The following DNAL1 variants were observed in gnomAD, a reference collection of about 807,000 sequenced individuals.
The protein encoded by DNAL1 is dynein axonemal light chain 1, also known as chromosome 14 open reading frame 168.
In DNAL1, 17 loss-of-function variants were observed where a neutral mutation model predicts 29.4. The ratio of observed to expected loss-of-function variants is 0.58; its 90% CI spans 0.40 to 0.87. DNAL1 has a LOEUF of 0.87. Ranked by LOEUF, DNAL1 falls within the 40% of genes least tolerant of loss-of-function variation. The pLI is 0.00. For synonymous variants in DNAL1, 78 were observed against 76.3 expected, an observed-to-expected ratio of 1.02 and a Z score of -0.12; for missense variants, 188 against 214.1, an observed-to-expected ratio of 0.88 and a Z score of 0.76.
At chr14:73,647,951 T>G (rs986647660) in intron 1 of DNAL1, among the ~76,000 whole-genome samples, 8 of 152,150 alleles carry the variant, frequency 5.3e-5, no homozygotes, top group African/African-American at 1.9e-4. Context: ...GTTTACTTCC[T>G]CCGGCAGTGC....
At chr14:73,687,461 A>C (rs917212589) in intron 6 of DNAL1, 76 bp downstream of exon 6, 6 of 1,423,748 alleles carry the variant, frequency 4.2e-6, no homozygotes, top group Admixed American at 2.8e-5. Context: ...AAAGATGCAA[A>C]ACGAGAACGT....
chr14:73,675,659 G>A (rs940678307), intron 5 of DNAL1, among the ~76,000 whole-genome samples: 74 of 152,120 alleles, frequency 4.9e-4, no homozygotes, highest in African/African-American at 1.5e-3. Flanking sequence ...GATATATATA[G>A]TAGACACTCT....
intron 1 of DNAL1, among the ~76,000 whole-genome samples, chr14:73,652,754 G>A (rs1446659179): frequency 1.3e-5 from 2 of 152,088 alleles, no homozygotes; most frequent in African/African-American, 4.8e-5. Flanking sequence ...TTTGCCAAAT[G>A]TGTGAACGCC....
chr14:73,670,477 C>T (rs1456246741), intron 4 of DNAL1, among the ~76,000 whole-genome samples: 2 of 152,064 alleles, frequency 1.3e-5, no homozygotes, highest in East Asian at 3.9e-4. Context: ...TTTCTTGGAA[C>T]AGAAATGAGG....
chr14:73,657,815 A>G (rs1891251480), intron 2 of DNAL1, among the ~76,000 whole-genome samples: 1 of 152,164 alleles, frequency 6.6e-6, no homozygotes, highest in African/African-American at 2.4e-5. Context: ...GGCTGGTCTT[A>G]AACTCCTGAC....
intron 4 of DNAL1, among the ~76,000 whole-genome samples, chr14:73,664,025 A>C (rs1314316007): frequency 6.6e-6 from 1 of 152,152 alleles, no homozygotes; most frequent in Admixed American, 6.5e-5. Flanking sequence ...CTCCCTGTAC[A>C]GGTTCCCAGG....
intron 5 of DNAL1, among the ~76,000 whole-genome samples, chr14:73,673,991 T>C (rs1891672922): frequency 6.6e-6 from 1 of 151,426 alleles, no homozygotes; most frequent in Non-Finnish European, 1.5e-5. Context: ...ATCTGCCTCA[T>C]AGCATGATTT....
At chr14:73,645,162 G>C in intron 1 of DNAL1, 120 bp downstream of exon 1, 1 of 1,521,346 alleles carries the variant, frequency 6.6e-7, no homozygotes, top group Non-Finnish European at 8.9e-7. Flanking sequence ...GGTAGCTGAC[G>C]CTAGCTCTGT....
At chr14:73,693,941 C>A (rs1892235107) in intron 7 of DNAL1, among the ~76,000 whole-genome samples, 1 of 151,998 alleles carries the variant, frequency 6.6e-6, no homozygotes, top group African/African-American at 2.4e-5. Context: ...ACAAAAAGTT[C>A]ACTTGTCCCA....
chr14:73,647,891 T>A (rs1358355607), intron 1 of DNAL1, among the ~76,000 whole-genome samples: 1 of 152,214 alleles, frequency 6.6e-6, no homozygotes, highest in Non-Finnish European at 1.5e-5. Flanking sequence ...TATGTATACT[T>A]AATTTGCCTA....
intron 3 of DNAL1, 55 bp downstream of exon 3, chr14:73,659,011 T>G: frequency 8.1e-7 from 1 of 1,232,846 alleles, no homozygotes; most frequent in East Asian, 2.6e-5. Context: ...TTTCTTTTCT[T>G]AAACACACAA....
chr14:73,652,915 C>T (rs1436827592), intron 1 of DNAL1, among the ~76,000 whole-genome samples: 2 of 151,712 alleles, frequency 1.3e-5, no homozygotes, highest in Non-Finnish European at 2.9e-5. Flanking sequence ...ATTAGTATGT[C>T]TTTACTTTCT....
chr14:73,656,192 C>A (rs1344811386), intron 2 of DNAL1, among the ~76,000 whole-genome samples: 1 of 151,758 alleles, frequency 6.6e-6, no homozygotes, highest in Non-Finnish European at 1.5e-5. Context: ...TACTTGAATT[C>A]TTGTTTTAGT....
At chr14:73,679,110 C>G (rs1891813986) in intron 5 of DNAL1, among the ~76,000 whole-genome samples, 1 of 152,156 alleles carries the variant, frequency 6.6e-6, no homozygotes, top group South Asian at 2.1e-4. Flanking sequence ...GATTCTCCTG[C>G]CTCAGCCTCC....
chr14:73,703,376 C>T lies in DNAL1; in HGVS notation c.*7434C>T, dbSNP rs1892482609. On this transcript the variant is annotated 3_prime_UTR_variant, in exon 8 of 8. Coordinates refer to ENST00000553645, the MANE Select transcript of DNAL1 (RefSeq NM_031427.4). ...GAGCCCAAGCTAAGCCATCGCATCC[C>T]CTGTGACTTGCACGTATACATCCAG... 1 of 152,214 alleles carries T rather than the reference C, an allele frequency of 6.6e-6. No homozygotes were observed. Among genetic ancestry groups the T allele is most frequent in the South Asian group, 2.1e-4 (1 of 4,856 alleles). 9.4% of individuals were successfully genotyped at this position (152,214 alleles called of 1,614,324 possible). A position where few individuals can be genotyped will look rare whatever the true frequency, so the allele number is the denominator to read the frequency against.
intron 5 of DNAL1, among the ~76,000 whole-genome samples, chr14:73,675,394 C>G (rs1340428100): frequency 1.3e-5 from 2 of 152,124 alleles, no homozygotes; most frequent in Non-Finnish European, 2.9e-5. Context: ...ATCCTTGCTC[C>G]TCAGCCTCCT....
chr14:73,648,420 GTTGT>G (rs796136370), intron 1 of DNAL1, among the ~76,000 whole-genome samples: 43 of 13,334 alleles, frequency 3.2e-3, no homozygotes, highest in African/African-American at 0.014. Flanking sequence ...ATATATATTT[GTTGT>G]TTGTTTGTTT....
In DNAL1 at chr14:73,673,718, G is replaced by A. The variant is rs77262250; in HGVS notation, c.264+2121G>A. Among the ~76,000 whole-genome samples, 1,221 of 151,930 alleles carry A rather than the reference G, an allele frequency of 8.0e-3. 23 individuals carry two copies. Among genetic ancestry groups the A allele is most frequent in the African/African-American group, 0.028 (1,157 of 41,446 alleles). On this transcript the variant is annotated intron_variant, in intron 5 of 7. Transcript: ENST00000553645. ...TACCTGGGCAACATAGCAAGACTTCGTCTCTACTGAAAATTTAAAAAGAAA... is the reference window on the plus strand; with the variant it reads ...TACCTGGGCAACATAGCAAGACTTCATCTCTACTGAAAATTTAAAAAGAAA...
At chr14:73,670,777 C>T (rs1391423872) in intron 4 of DNAL1, among the ~76,000 whole-genome samples, 1 of 151,402 alleles carries the variant, frequency 6.6e-6, no homozygotes, top group Admixed American at 6.6e-5. Flanking sequence ...CGCTCTGTCG[C>T]CCAGGCTGGA....
Sources: gnomAD v4.1 joint callset for allele counts (sites outside exome capture counted in the v4.1 genomes callset) on GRCh38, gnomAD v4.1.1 for gene constraint, MANE v1.5 for transcripts, NCBI Gene and HGNC (gene_info 2026-07-23, HGNC 2026-07-21) for gene names.